The following SLC17A2 variants were observed in gnomAD, a reference collection of about 807,000 sequenced individuals.
SLC17A2 encodes the protein sodium-dependent phosphate transport protein 3.
Under a neutral mutation model 52.1 loss-of-function variants are expected in SLC17A2, and 38 were observed. The observed-to-expected ratio is 0.73, with a 90% CI of 0.56 to 0.96. The LOEUF is 0.96. SLC17A2 is among the 40% of genes least tolerant of loss of function. SLC17A2 has a pLI of 0.00. For synonymous variants in SLC17A2, 226 were observed against 211.9 expected, an observed-to-expected ratio of 1.07 and a Z score of -0.58; for missense variants, 508 against 583.9, an observed-to-expected ratio of 0.87 and a Z score of 1.34.
intron 5 of SLC17A2, among the ~76,000 whole-genome samples, chr6:25,919,680 A>G (rs7766478): frequency 0.34 from 45,539 of 135,192 alleles, 8,674 homozygotes; most frequent in East Asian, 0.69. Flanking sequence ...GGCCTGGGCG[A>G]AAGAGTGAGA....
At chr6:25,915,470 G>C in intron 10 of SLC17A2, 29 bp downstream of exon 10, 1 of 1,540,644 alleles carries the variant, frequency 6.5e-7, no homozygotes, top group Non-Finnish European at 8.8e-7. Flanking sequence ...GGGGTCTGGA[G>C]GAGGGGAAAA....
intron 3 of SLC17A2, 124 bp from the exon 4 acceptor site, chr6:25,921,536 T>A (rs1766560537): frequency 1.5e-6 from 1 of 646,728 alleles, no homozygotes; most frequent in Non-Finnish European, 2.6e-6. Context: ...TCTCTCTATA[T>A]TCTTCCTACC....
At chr6:25,926,020 G>A in intron 1 of SLC17A2, 141 bp from the exon 2 acceptor site, 1 of 599,234 alleles carries the variant, frequency 1.7e-6, no homozygotes, top group Non-Finnish European at 3.0e-6. Context: ...GTATGCTTTT[G>A]GTTACAGGAT....
intron 3 of SLC17A2, among the ~76,000 whole-genome samples, chr6:25,922,189 A>G (rs1053968861): frequency 8.5e-5 from 13 of 152,130 alleles, no homozygotes; most frequent in African/African-American, 3.1e-4. Flanking sequence ...TACAAGGTAT[A>G]TGATTCATGT....
intron 3 of SLC17A2, among the ~76,000 whole-genome samples, chr6:25,922,439 G>C (rs1326788263): frequency 2.0e-5 from 3 of 152,202 alleles, no homozygotes; most frequent in Non-Finnish European, 2.9e-5. Context: ...AACTTTCCAT[G>C]GGTCATTGAT....
chr6:25,917,633 G>A (rs1283547387), intron 6 of SLC17A2, among the ~76,000 whole-genome samples: 1 of 152,162 alleles, frequency 6.6e-6, no homozygotes, highest in East Asian at 1.9e-4. Context: ...AAAATAATTA[G>A]CATCATTAAT....
At chr6:25,923,231 TG>T (rs988734963) in intron 3 of SLC17A2, among the ~76,000 whole-genome samples, 1 of 152,092 alleles carries the variant, frequency 6.6e-6, no homozygotes, top group Non-Finnish European at 1.5e-5. Flanking sequence ...CTAATTCAAC[TG>T]GGAGGTGAGT....
intron 1 of SLC17A2, among the ~76,000 whole-genome samples, chr6:25,929,210 G>C (rs1766867184): frequency 6.6e-6 from 1 of 152,160 alleles, no homozygotes; most frequent in Non-Finnish European, 1.5e-5. Context: ...ACTGAATTCT[G>C]CTCTGCCATT....
intron 10 of SLC17A2, 50 bp downstream of exon 10, chr6:25,915,449 A>T: frequency 6.7e-7 from 1 of 1,496,064 alleles, no homozygotes. Context: ...CTGAGGTCTA[A>T]CACCTCTGGA....
chr6:25,914,078 C>T (rs1766207351), intron 11 of SLC17A2, among the ~76,000 whole-genome samples: 1 of 152,176 alleles, frequency 6.6e-6, no homozygotes, highest in Non-Finnish European at 1.5e-5. Context: ...TTTCATCTTC[C>T]TCATGAGCCT....
intron 8 of SLC17A2, among the ~76,000 whole-genome samples, chr6:25,916,363 G>A (rs559656986): frequency 3.9e-5 from 6 of 152,304 alleles, no homozygotes; most frequent in South Asian, 2.1e-4. Context: ...TTACAGGCAT[G>A]AGCCACCATG....
rs1044063119 is a variant in SLC17A2 at position 25,913,067 on chromosome 6, C to T, written c.*250G>A. On this transcript the variant is annotated 3_prime_UTR_variant, in exon 12 of 12. Transcript: ENST00000377850. ...AAGTTTGTCCAGCTGTTGTCAACCCCGGGCGCATGCTAGAAACCTCTAAGG... is the reference window on the plus strand; with the variant it reads ...AAGTTTGTCCAGCTGTTGTCAACCCTGGGCGCATGCTAGAAACCTCTAAGG... The T allele has an allele frequency of 7.9e-6, 3 of 377,402 alleles. No homozygotes were observed. Among genetic ancestry groups the T allele is most frequent in the East Asian group, 3.8e-5 (1 of 26,216 alleles). 23.4% of individuals were successfully genotyped at this position (377,402 alleles called of 1,614,324 possible).
intron 5 of SLC17A2, among the ~76,000 whole-genome samples, chr6:25,919,106 A>AT (rs1347442296): frequency 6.6e-6 from 1 of 152,224 alleles, no homozygotes; most frequent in African/African-American, 2.4e-5. Context: ...TAAGAAATGC[A>AT]TTTTACAGGG....
chr6:25,917,089 TG>T lies in SLC17A2; in HGVS notation c.650-3del. The T allele has an allele frequency of 6.2e-7, 1 of 1,610,662 alleles. No homozygotes were observed. Among genetic ancestry groups the T allele is most frequent in the Non-Finnish European group, 8.5e-7 (1 of 1,176,960 alleles). ...GACAGCAGACACAGCCAGTGCTACC[TG>T]GGAAGAAGGGATAAAATTAGTTTTT... On this transcript the variant is annotated splice_region_variant and splice_polypyrimidine_tract_variant and intron_variant, in intron 6 of 11. Transcript: ENST00000377850.
chr6:25,913,707 A>G (rs1766188317), intron 11 of SLC17A2, among the ~76,000 whole-genome samples: 1 of 152,060 alleles, frequency 6.6e-6, no homozygotes, highest in African/African-American at 2.4e-5. Flanking sequence ...GGATTTCAAC[A>G]TATAATATTA....
chr6:25,916,744 T>C lies in SLC17A2; in HGVS notation c.871A>G (p.Ile291Val), dbSNP rs1766334122. The change falls in exon 8 of 12, where the codon ATC becomes GTC. Residue 291 changes from isoleucine (I) to valine (V), a missense_variant. Ile to Val is a conservative substitution (Grantham distance 29). Coordinates refer to ENST00000377850, the MANE Select transcript of SLC17A2 (RefSeq NM_001286123.3). ...GFFSHFWLCT[I>V]ILTYLPTYIS... ...TACGTTGGTAGGTATGTTAGGATGATGGTGCACAACCAGAAATGGCTGAAA... is the reference window on the plus strand; with the variant it reads ...TACGTTGGTAGGTATGTTAGGATGACGGTGCACAACCAGAAATGGCTGAAA... 6.2e-7 allele frequency: 1 copy of C among 1,613,946 alleles called. No homozygotes were observed. The highest frequency in any genetic ancestry group is 8.5e-7 in the Non-Finnish European group (1 of 1,179,832).
At position 25,921,312 on chromosome 6, in the gene SLC17A2, C is replaced by T. The variant is rs748752999; in HGVS notation, c.341G>A (p.Gly114Glu). The change falls in exon 4 of 12, where the codon GGG (glycine) becomes GAG (glutamate). Residue 114 changes from glycine (G) to glutamate (E), a missense_variant. Coordinates refer to ENST00000377850, the MANE Select transcript of SLC17A2 (RefSeq NM_001286123.3). ...AAGCATTTTTTTTGCTCCAAATATC[C>T]CTGCTAAATATCCACTTGGGATCAG... ...LTLIPSGYLA[G>E]IFGAKKMLGA... The T allele has an allele frequency of 6.2e-6, 10 of 1,614,094 alleles. No individual in the cohort carries two copies. Among genetic ancestry groups the T allele is most frequent in the South Asian group, 2.2e-5 (2 of 91,074 alleles).
At chr6:25,919,406 T>G (rs960076611) in intron 5 of SLC17A2, among the ~76,000 whole-genome samples, 5 of 151,942 alleles carry the variant, frequency 3.3e-5, no homozygotes, top group African/African-American at 1.2e-4. Flanking sequence ...TGATAATAAT[T>G]ATAAGATTTA....
At chr6:25,924,757 C>A in intron 2 of SLC17A2, among the ~76,000 whole-genome samples, 1 of 149,746 alleles carries the variant, frequency 6.7e-6, no homozygotes. Flanking sequence ...TGCAATGAGC[C>A]AAGATCATGT....
Sources: gnomAD v4.1 joint callset for allele counts (sites outside exome capture counted in the v4.1 genomes callset) on GRCh38, gnomAD v4.1.1 for gene constraint, MANE v1.5 for transcripts, NCBI Gene and HGNC (gene_info 2026-07-23, HGNC 2026-07-21) for gene names.